The following CDIN1 variants were observed in gnomAD, a reference collection of about 807,000 sequenced individuals.
CDIN1 encodes the protein CDAN1 interacting nuclease 1.
Under a neutral mutation model 45.3 loss-of-function variants are expected in CDIN1, and 33 were observed. That is an observed-to-expected ratio of 0.73 (90% CI 0.55 to 0.97). CDIN1 has a LOEUF of 0.97. Among genes scored for constraint, CDIN1 ranks in the 50% least tolerant of loss-of-function variants. The pLI, the probability that CDIN1 is intolerant of heterozygous loss-of-function variation, is 0.00. For missense variants in CDIN1, 303 were observed against 339.4 expected (o/e 0.89, Z 0.84); for synonymous variants, 118 against 124.4 (o/e 0.95, Z 0.34).
chr15:36,686,933 AAGGAAGGAAGGAAAAGAT>A (rs1304112502), intron 5 of CDIN1, among the ~76,000 whole-genome samples: 2 of 142,514 alleles, frequency 1.4e-5, no homozygotes, highest in Non-Finnish European at 3.0e-5. Context: ...GAAGAAAAGG[AAGGAAGGAAGGAAAAGAT>A]AGGAAGGAAG....
chr15:36,807,483 T>C (rs1395206416), intron 10 of CDIN1, among the ~76,000 whole-genome samples: 2 of 152,196 alleles, frequency 1.3e-5, no homozygotes, highest in Non-Finnish European at 2.9e-5. Context: ...CAGTGATTGA[T>C]AGTGATTACA....
chr15:36,724,063 C>T (rs1332392255), intron 10 of CDIN1, among the ~76,000 whole-genome samples: 3 of 152,172 alleles, frequency 2.0e-5, no homozygotes, highest in Non-Finnish European at 4.4e-5. Context: ...ATCTCTGTTT[C>T]ATATGAGAAA....
chr15:36,641,655 T>C (rs999510835), intron 1 of CDIN1, among the ~76,000 whole-genome samples: 14 of 152,356 alleles, frequency 9.2e-5, no homozygotes, highest in Admixed American at 2.6e-4. Flanking sequence ...AGTGTAAAGA[T>C]TCAGGGTATG....
chr15:36,663,861 A>G (rs1159841424), intron 5 of CDIN1, among the ~76,000 whole-genome samples: 3 of 152,228 alleles, frequency 2.0e-5, no homozygotes, highest in Admixed American at 2.0e-4. Context: ...ATGACACAGA[A>G]CTATGTGTTG....
intron 5 of CDIN1, chr15:36,691,104 G>A (rs2042233683): frequency 7.8e-6 from 4 of 510,940 alleles, no homozygotes; most frequent in Middle Eastern, 6.4e-4. Context: ...TCTCAATTCA[G>A]TCAGTTTTAC....
At chr15:36,793,073 T>A (rs1378808109) in intron 10 of CDIN1, among the ~76,000 whole-genome samples, 1 of 152,172 alleles carries the variant, frequency 6.6e-6, no homozygotes, top group East Asian at 1.9e-4. Context: ...ACTTCAAGAC[T>A]GAACCCAGAG....
chr15:36,609,034 A>C (rs1424505212), intron 1 of CDIN1, among the ~76,000 whole-genome samples: 1 of 151,724 alleles, frequency 6.6e-6, no homozygotes, highest in Non-Finnish European at 1.5e-5. Flanking sequence ...TTTAAGTCAG[A>C]GTCTTGGGCT....
chr15:36,643,275 C>T (rs142979694), intron 1 of CDIN1, among the ~76,000 whole-genome samples: 4 of 152,064 alleles, frequency 2.6e-5, no homozygotes, highest in Non-Finnish European at 4.4e-5. Flanking sequence ...CAGAAGATGA[C>T]GACACCTAGA....
At chr15:36,651,108 A>T (rs1785009125) in intron 3 of CDIN1, among the ~76,000 whole-genome samples, 1 of 152,186 alleles carries the variant, frequency 6.6e-6, no homozygotes, top group Non-Finnish European at 1.5e-5. Flanking sequence ...CTTAGTTGGT[A>T]TCAACTCAAT....
intron 10 of CDIN1, among the ~76,000 whole-genome samples, chr15:36,765,881 T>TTG (rs1431160796): frequency 2.0e-5 from 3 of 152,158 alleles, no homozygotes; most frequent in African/African-American, 7.2e-5. Context: ...TTTTGGGGAT[T>TTG]TGTGTGTGTG....
chr15:36,611,860 A>G (rs1245426622), intron 1 of CDIN1, among the ~76,000 whole-genome samples: 1 of 152,216 alleles, frequency 6.6e-6, no homozygotes, highest in Non-Finnish European at 1.5e-5. Flanking sequence ...CATAATTATT[A>G]GAGATAACTC....
chr15:36,751,856 A>G (rs1311577234), intron 10 of CDIN1, among the ~76,000 whole-genome samples: 2 of 152,192 alleles, frequency 1.3e-5, no homozygotes, highest in Non-Finnish European at 2.9e-5. Context: ...AGGGTCATGG[A>G]TGGAGCTGGA....
chr15:36,724,375 A>C (rs1459572619), intron 10 of CDIN1, among the ~76,000 whole-genome samples: 1 of 152,238 alleles, frequency 6.6e-6, no homozygotes, highest in Non-Finnish European at 1.5e-5. Flanking sequence ...AGTAATGCCG[A>C]CATTCAATAC....
chr15:36,613,968 G>A, intron 1 of CDIN1: 1 of 1,536,962 alleles, frequency 6.5e-7, no homozygotes, highest in Non-Finnish European at 8.9e-7. Flanking sequence ...TGATGGACCA[G>A]AACCTGAAGT....
At chr15:36,802,284 G>A (rs1389669538) in intron 10 of CDIN1, among the ~76,000 whole-genome samples, 3 of 152,090 alleles carry the variant, frequency 2.0e-5, no homozygotes, top group African/African-American at 7.2e-5. Context: ...TGCCTGCTCA[G>A]TAAATATTAG....
At chr15:36,720,730 A>G (rs1365106712) in intron 10 of CDIN1, among the ~76,000 whole-genome samples, 2 of 152,182 alleles carry the variant, frequency 1.3e-5, no homozygotes, top group Non-Finnish European at 2.9e-5. Context: ...TAGTGCCGCA[A>G]TAAACATACG....
chr15:36,588,776 C>T (rs572591660), intron 1 of CDIN1, among the ~76,000 whole-genome samples: 1 of 152,174 alleles, frequency 6.6e-6, no homozygotes, highest in African/African-American at 2.4e-5. Flanking sequence ...GGCCCCTTCA[C>T]TTTCTAAAAG....
chr15:36,695,679 T>G (rs1477626936), intron 7 of CDIN1, among the ~76,000 whole-genome samples: 1 of 152,122 alleles, frequency 6.6e-6, no homozygotes, highest in Non-Finnish European at 1.5e-5. Context: ...AAACTCCATC[T>G]GTACTAAAAA....
chr15:36,806,748 G>A (rs1412326073), intron 10 of CDIN1, among the ~76,000 whole-genome samples: 1 of 152,086 alleles, frequency 6.6e-6, no homozygotes, highest in Non-Finnish European at 1.5e-5. Flanking sequence ...GGTACCAATG[G>A]TTTATGTTCC....
Sources: gnomAD v4.1 joint callset for allele counts (sites outside exome capture counted in the v4.1 genomes callset) on GRCh38, gnomAD v4.1.1 for gene constraint, MANE v1.5 for transcripts, NCBI Gene and HGNC (gene_info 2026-07-23, HGNC 2026-07-21) for gene names.